Variants in MYOF observed in about 807,000 individuals in gnomAD.
MYOF encodes the protein myoferlin, also known as fer-1-like 3, myoferlin.
A neutral mutation model predicts 284.2 loss-of-function variants in MYOF; 244 were observed. The observed-to-expected ratio is 0.86, with a 90% CI of 0.77 to 0.95. The LOEUF is 0.95. MYOF is among the 40% of genes least tolerant of loss of function. The pLI is 0.00. For missense variants in MYOF, 2,496 were observed against 2,560.6 expected (o/e 0.97, Z 0.54); for synonymous variants, 904 against 919.7 (o/e 0.98, Z 0.31).
intron 36 of MYOF, among the ~76,000 whole-genome samples, chr10:93,348,581 G>C (rs1189438646): frequency 6.6e-6 from 1 of 152,016 alleles, no homozygotes; most frequent in Non-Finnish European, 1.5e-5. Context: ...GGGAGGTGTG[G>C]GGAGTAGACA....
chr10:93,401,561 A>C lies in MYOF; in HGVS notation c.991-17T>G. ...TCTCTCAGGCTATTAGGGGCACATG[A>C]TTTAAATTATACATACAGAAAAGCA... On this transcript the variant is annotated splice_polypyrimidine_tract_variant and intron_variant, in intron 11 of 53. Coordinates refer to ENST00000359263, the MANE Select transcript of MYOF (RefSeq NM_013451.4). The C allele has an allele frequency of 6.2e-7, 1 of 1,612,888 alleles. No individual in the cohort carries two copies. Among genetic ancestry groups the C allele is most frequent in the African/African-American group, 1.3e-5 (1 of 74,992 alleles).
chr10:93,326,341 T>C (rs907129952), intron 45 of MYOF, among the ~76,000 whole-genome samples: 2 of 152,148 alleles, frequency 1.3e-5, no homozygotes, highest in African/African-American at 2.4e-5. Context: ...AGAAGTGACA[T>C]GTGTATCTCC....
chr10:93,324,512 G>T (rs1842963061), intron 46 of MYOF: 1 of 152,174 alleles, frequency 6.6e-6, no homozygotes, highest in African/African-American at 2.4e-5. Context: ...GGGGGTTTGT[G>T]GATTCCCGGG....
Position 93,409,581 on chromosome 10 carries a change from C to G in MYOF, c.592G>C (p.Asp198His), listed in dbSNP as rs1218388444. ...SRRMLSNKPQ[D>H]FQIRVRVIEG... ...CGCCAGGCCGTTGCTACCTGGAAGT[C>G]CTGTGGCTTATTTGACAGCATCCGC... is the stretch of plus-strand genomic sequence containing the variant. Residue 198 changes from aspartate (D) to histidine (H), a missense_variant, in exon 6 of 54, where the codon GAC becomes CAC. This residue lies in a region of MYOF where 2,436 missense variants were observed against 2,480.7 expected (regional missense o/e 0.98). Transcript: ENST00000359263. 1 of 1,613,466 alleles carries G rather than the reference C, an allele frequency of 6.2e-7. No homozygotes were observed. The highest frequency in any genetic ancestry group is 1.3e-5 in the African/African-American group (1 of 74,882).
chr10:93,465,608 G>A (rs2056992648), intron 1 of MYOF, among the ~76,000 whole-genome samples: 1 of 126,088 alleles, frequency 7.9e-6, no homozygotes, highest in South Asian at 2.6e-4. Context: ...TCCACCTCCT[G>A]GATTCAAGCC....
At chr10:93,481,526 C>G (rs1380705542) in intron 1 of MYOF, among the ~76,000 whole-genome samples, 1 of 152,180 alleles carries the variant, frequency 6.6e-6, no homozygotes, top group Non-Finnish European at 1.5e-5. Flanking sequence ...AGAGTTCTTT[C>G]CTCAATGAGC....
chr10:93,344,266 C>T (rs902627248), intron 37 of MYOF, among the ~76,000 whole-genome samples: 1 of 152,170 alleles, frequency 6.6e-6, no homozygotes, highest in Non-Finnish European at 1.5e-5. Flanking sequence ...GGGGAACCGA[C>T]ATTTTTTAAT....
chr10:93,357,609 A>G (rs1485577076), intron 29 of MYOF, among the ~76,000 whole-genome samples: 3 of 152,242 alleles, frequency 2.0e-5, no homozygotes, highest in Non-Finnish European at 4.4e-5. Flanking sequence ...GTGGAATAAT[A>G]TTCAAGACCT....
intron 25 of MYOF, 103 bp from the exon 26 acceptor site, chr10:93,366,658 C>A: frequency 1.0e-6 from 1 of 978,314 alleles, no homozygotes; most frequent in Non-Finnish European, 1.5e-6. Context: ...TAGACAACTA[C>A]AGAAAGCAGA....
chr10:93,392,792 C>T (rs967348080), intron 17 of MYOF, 125 bp downstream of exon 17: 1 of 865,478 alleles, frequency 1.2e-6, no homozygotes, highest in African/African-American at 1.7e-5. Flanking sequence ...AAAATTATTA[C>T]TTTAGCAAAA....
chr10:93,413,551 G>A (rs1331411572), intron 5 of MYOF, among the ~76,000 whole-genome samples: 2 of 152,154 alleles, frequency 1.3e-5, no homozygotes, highest in Non-Finnish European at 2.9e-5. Flanking sequence ...ACAGCCAAGT[G>A]GATCTACAAA....
At chr10:93,385,217 G>A (rs1846308332) in intron 19 of MYOF, among the ~76,000 whole-genome samples, 1 of 152,184 alleles carries the variant, frequency 6.6e-6, no homozygotes, top group Non-Finnish European at 1.5e-5. Context: ...CAGGGCAGAG[G>A]TTCCAGAAGC....
chr10:93,320,750 A>AG (rs1403891484), intron 48 of MYOF, among the ~76,000 whole-genome samples: 1 of 152,174 alleles, frequency 6.6e-6, no homozygotes, highest in Admixed American at 6.5e-5. Flanking sequence ...GTTTGAAACC[A>AG]GGGGGTAACA....
rs777339957 is a variant in MYOF at position 93,351,728 on chromosome 10, T to C, written c.3600A>G (p.Glu1200=). ...GTGGATTCTGTAGAACTGTTTGGGG[T>C]TCCCCATAGATTTCAACTTCATCGA... ...IIFDEVEIYG[E]PQTVLQNPPK... The change falls in exon 33 of 54, where the codon GAA becomes GAG. Residue 1200 remains glutamate, a synonymous_variant. Transcript: ENST00000359263. 2 of 1,599,668 alleles carry C rather than the reference T, an allele frequency of 1.3e-6. No individual in the cohort carries two copies. The highest frequency in any genetic ancestry group is 1.4e-5 in the African/African-American group (1 of 73,890).
intron 16 of MYOF, 142 bp from the exon 17 acceptor site, chr10:93,393,097 T>C: frequency 1.4e-6 from 1 of 701,502 alleles, no homozygotes. Flanking sequence ...AAGTCACATA[T>C]GACCCTTTTG....
intron 1 of MYOF, chr10:93,478,284 C>A: frequency 3.9e-6 from 1 of 257,506 alleles, no homozygotes; most frequent in Non-Finnish European, 7.8e-6. Context: ...GCTTCACAGC[C>A]TGGCTGTCCG....
At chr10:93,473,135 T>G (rs577974578) in intron 1 of MYOF, among the ~76,000 whole-genome samples, 2 of 152,308 alleles carry the variant, frequency 1.3e-5, no homozygotes, top group South Asian at 4.1e-4. Flanking sequence ...TTTCCAAGTA[T>G]TGTGTTGGTT....
At chr10:93,398,196 C>G (rs1847114052) in intron 13 of MYOF, among the ~76,000 whole-genome samples, 1 of 152,156 alleles carries the variant, frequency 6.6e-6, no homozygotes, top group Non-Finnish European at 1.5e-5. Flanking sequence ...GGCAGGCCTT[C>G]CCTGCTAACA....
chr10:93,443,427 T>C (rs969665890), intron 3 of MYOF, among the ~76,000 whole-genome samples: 1 of 151,398 alleles, frequency 6.6e-6, no homozygotes, highest in African/African-American at 2.4e-5. Context: ...TCTCTGTCTC[T>C]CCTCTCTCTT....
Sources: gnomAD v4.1 joint callset for allele counts (sites outside exome capture counted in the v4.1 genomes callset) on GRCh38, gnomAD v4.1.1 for gene constraint, gnomAD v4.1.1 regional missense constraint, MANE v1.5 for transcripts, NCBI Gene and HGNC (gene_info 2026-07-23, HGNC 2026-07-21) for gene names.